Variants in UBAC2 observed in about 807,000 individuals in gnomAD.
UBAC2 encodes the protein ubiquitin-associated domain-containing protein 2.
UBAC2 carries 26 observed loss-of-function variants against 44.0 expected under a neutral mutation model. The observed-to-expected ratio is 0.59, with a 90% CI of 0.43 to 0.82. The LOEUF (loss-of-function observed/expected upper bound fraction) is 0.82, where lower values mean the gene tolerates loss of function less well. UBAC2 is among the 40% of genes least tolerant of loss of function. UBAC2 has a pLI of 0.00. For missense variants in UBAC2, 329 were observed against 419.4 expected, an observed-to-expected ratio of 0.78 and a Z score of 1.88; for synonymous variants, 155 against 154.3, an observed-to-expected ratio of 1.00 and a Z score of -0.04.
chr13:99,214,716 C>T (rs1188309468), intron 1 of UBAC2, among the ~76,000 whole-genome samples: 2 of 152,218 alleles, frequency 1.3e-5, no homozygotes, highest in South Asian at 2.1e-4. Flanking sequence ...TCATTGTTCT[C>T]CTTAAGCAGA....
chr13:99,369,595 A>T (rs764645470), intron 8 of UBAC2, among the ~76,000 whole-genome samples: 1 of 152,204 alleles, frequency 6.6e-6, no homozygotes, highest in Non-Finnish European at 1.5e-5. Flanking sequence ...ATGCATTTCA[A>T]CTTATGATAT....
chr13:99,258,981 T>C (rs2138637712), intron 4 of UBAC2, among the ~76,000 whole-genome samples: 1 of 152,354 alleles, frequency 6.6e-6, no homozygotes, highest in East Asian at 1.9e-4. Context: ...TTGCTGTATT[T>C]TGTAAGTCTG....
intron 4 of UBAC2, among the ~76,000 whole-genome samples, chr13:99,299,702 G>C (rs1383925456): frequency 1.3e-5 from 2 of 152,064 alleles, no homozygotes; most frequent in Non-Finnish European, 2.9e-5. Flanking sequence ...TTGCTGTTCA[G>C]TGTTCCTTTT....
chr13:99,204,901 CTTTTTTTTTTT>C (rs569772649), intron 1 of UBAC2, among the ~76,000 whole-genome samples: 1 of 75,982 alleles, frequency 1.3e-5, no homozygotes, highest in East Asian at 3.5e-4. Context: ...GTTTCGTTTC[CTTTTTTTTTTT>C]TTTTTTTTTT....
intron 4 of UBAC2, among the ~76,000 whole-genome samples, chr13:99,277,804 C>T (rs549315877): frequency 1.5e-4 from 23 of 150,138 alleles, no homozygotes; most frequent in African/African-American, 4.9e-4. Context: ...TTGCCCCATC[C>T]CCTCTGTCAC....
chr13:99,207,035 T>C (rs911962395), intron 1 of UBAC2, among the ~76,000 whole-genome samples: 3 of 152,250 alleles, frequency 2.0e-5, no homozygotes, highest in African/African-American at 7.2e-5. Flanking sequence ...AGCACCACTC[T>C]TGCTTTTTCT....
chr13:99,215,417 G>A (rs61968339), intron 1 of UBAC2: 3 of 1,305,164 alleles, frequency 2.3e-6, no homozygotes, highest in Non-Finnish European at 3.3e-6. Flanking sequence ...GAGATTTGTG[G>A]ATGTGTGGAA....
chr13:99,216,733 G>A lies in UBAC2; in HGVS notation c.31+15794G>A, dbSNP rs535475884. Reference sequence around the variant, plus strand: ...TTTATTTTGAAACAACTTTGGAAGGGCGGGAACGTGGACAGGTGTCCTGGG... The same window carrying A: ...TTTATTTTGAAACAACTTTGGAAGGACGGGAACGTGGACAGGTGTCCTGGG... On this transcript the variant is annotated intron_variant, in intron 1 of 8. Coordinates refer to ENST00000403766, the MANE Select transcript of UBAC2 (RefSeq NM_001144072.2). Among the ~76,000 whole-genome samples the A allele has an allele frequency of 5.3e-5, 8 of 152,270 alleles. No homozygotes were observed. In the South Asian group the frequency reaches 8.3e-4, roughly 16 times the overall value.
intron 4 of UBAC2, among the ~76,000 whole-genome samples, chr13:99,304,286 G>A (rs2044298582): frequency 6.6e-6 from 1 of 152,126 alleles, no homozygotes; most frequent in African/African-American, 2.4e-5. Context: ...CCCCTATCCT[G>A]TATCCTTAGC....
rs117181777 is a variant in UBAC2 at position 99,207,577 on chromosome 13, G to A, written c.31+6638G>A. On this transcript the variant is annotated intron_variant, in intron 1 of 8. Transcript: ENST00000403766. ...TCTGGGCTCATTGTGGCCTGCTTCC[G>A]TCCCGCTATACCATTGAGCTACTCT... Among the ~76,000 whole-genome samples the A allele has an allele frequency of 2.3e-3, 355 of 152,164 alleles. 6 individuals carry two copies. In the East Asian group the frequency reaches 0.041, roughly 17 times the overall value.
chr13:99,310,135 T>C (rs768914454), intron 4 of UBAC2, among the ~76,000 whole-genome samples: 1 of 152,194 alleles, frequency 6.6e-6, no homozygotes, highest in Non-Finnish European at 1.5e-5. Context: ...GAGATCACTG[T>C]GGGGAACACA....
At chr13:99,206,798 G>A (rs1455609582) in intron 1 of UBAC2, among the ~76,000 whole-genome samples, 1 of 152,148 alleles carries the variant, frequency 6.6e-6, no homozygotes, top group African/African-American at 2.4e-5. Flanking sequence ...TTCGGCTCAA[G>A]GCTATTCTCA....
intron 8 of UBAC2, among the ~76,000 whole-genome samples, chr13:99,368,449 T>C (rs2045360438): frequency 6.6e-6 from 1 of 152,214 alleles, no homozygotes. Context: ...CTCAGTCTAA[T>C]GAAGAAACAA....
chr13:99,332,982 T>C (rs566435044), intron 6 of UBAC2, among the ~76,000 whole-genome samples: 42 of 152,186 alleles, frequency 2.8e-4, no homozygotes, highest in African/African-American at 9.9e-4. Context: ...GAAAATTAGG[T>C]CAGGCATGGT....
intron 4 of UBAC2, among the ~76,000 whole-genome samples, chr13:99,245,480 C>T (rs530581173): frequency 3.3e-5 from 5 of 152,074 alleles, no homozygotes; most frequent in Admixed American, 2.6e-4. Flanking sequence ...TTAAAAAAAA[C>T]AAAAACCATG....
intron 2 of UBAC2, among the ~76,000 whole-genome samples, 186 bp downstream of exon 2, chr13:99,238,740 G>A (rs1566461811): frequency 6.6e-6 from 1 of 152,054 alleles, no homozygotes; most frequent in African/African-American, 2.4e-5. Context: ...TAATAATGAA[G>A]CAATGGCAGT....
intron 7 of UBAC2, among the ~76,000 whole-genome samples, chr13:99,349,413 A>G (rs2045042700): frequency 6.6e-6 from 1 of 152,168 alleles, no homozygotes; most frequent in South Asian, 2.1e-4. Flanking sequence ...AAATAAAGAC[A>G]CAAGACAAAG....
At chr13:99,254,640 C>T (rs1212397191) in intron 4 of UBAC2, 3 of 403,290 alleles carry the variant, frequency 7.4e-6, no homozygotes, top group Non-Finnish European at 4.4e-6. Context: ...GTCGCTTGCA[C>T]ATAGAAATGC....
Position 99,386,171 on chromosome 13 carries a change from G to C in UBAC2, c.*836G>C, listed in dbSNP as rs1185387683. 4 of 152,388 alleles carry C rather than the reference G, an allele frequency of 2.6e-5. No homozygotes were observed. The East Asian group carries it at 7.7e-4, about 29-fold the overall frequency. 9.4% of individuals were successfully genotyped at this position (152,388 alleles called of 1,614,324 possible). A position where few individuals can be genotyped will look rare whatever the true frequency, so the allele number is the denominator to read the frequency against. On this transcript the variant is annotated 3_prime_UTR_variant, in exon 9 of 9. Transcript: ENST00000403766. ...GCCTGGCCCTCCTGGCTCGCAGCCA[G>C]CCAGCCCCCTGGCAGCAGGTTCTCC...
Sources: gnomAD v4.1 joint callset for allele counts (sites outside exome capture counted in the v4.1 genomes callset) on GRCh38, gnomAD v4.1.1 for gene constraint, MANE v1.5 for transcripts, NCBI Gene and HGNC (gene_info 2026-07-23, HGNC 2026-07-21) for gene names.